The following ADNP2 variants were observed in gnomAD, a reference collection of about 807,000 sequenced individuals.
ADNP2 encodes the protein ADNP homeobox 2.
ADNP2 carries 8 observed loss-of-function variants against 16.4 expected under a neutral mutation model. That is an observed-to-expected ratio of 0.49 (90% CI 0.29 to 0.88). The LOEUF (loss-of-function observed/expected upper bound fraction) is 0.88. Ranked by LOEUF, ADNP2 falls within the 40% of genes least tolerant of loss-of-function variation. ADNP2 has a pLI of 0.09. For synonymous variants in ADNP2, 637 were observed against 545.8 expected, an observed-to-expected ratio of 1.17 and a Z score of -2.33; for missense variants, 1,397 against 1,395.1, an observed-to-expected ratio of 1.00 and a Z score of -0.02.
At chr18:80,128,800 AATC>A (rs1429291271) in intron 2 of ADNP2, among the ~76,000 whole-genome samples, 1 of 152,122 alleles carries the variant, frequency 6.6e-6, no homozygotes, top group Admixed American at 6.6e-5. Context: ...TTTTTAAAGT[AATC>A]ATTGTTATAA....
At chr18:80,113,695 A>G (rs953121756) in intron 1 of ADNP2, among the ~76,000 whole-genome samples, 10 of 152,168 alleles carry the variant, frequency 6.6e-5, no homozygotes, top group African/African-American at 2.4e-4. Flanking sequence ...CAAATATAAC[A>G]TGATTTCTGC....
At position 80,137,402 on chromosome 18, in the gene ADNP2, A is replaced by G. The variant is rs753214902; in HGVS notation, c.1989A>G (p.Pro663=). The stretch of plus-strand genomic sequence containing the variant: ...CCATGCCCGGCATGCCCTCTCCTCC[A>G]GTGCTGGTGAATGCTGCTCAGAGCG... ...AGSMPGMPSP[P]VLVNAAQSVF... The change falls in exon 4 of 4, where the codon CCA becomes CCG. Residue 663 remains proline, a synonymous_variant. Coordinates refer to ENST00000262198, the MANE Select transcript of ADNP2 (RefSeq NM_014913.4). This position sits in a 1 kb window ranked among gnomAD's most constrained non-coding sequence, Gnocchi z 4.2. 1.4e-5 allele frequency: 22 copies of G among 1,614,046 alleles called. No homozygotes were observed. Among genetic ancestry groups the G allele is most frequent in the East Asian group, 1.3e-4 (6 of 44,894 alleles).
At chr18:80,123,989 C>T (rs1019230343) in intron 2 of ADNP2, among the ~76,000 whole-genome samples, 1 of 152,192 alleles carries the variant, frequency 6.6e-6, no homozygotes, top group African/African-American at 2.4e-5. Flanking sequence ...CTCGGTGTCC[C>T]AAAGAGCTGG....
intron 2 of ADNP2, among the ~76,000 whole-genome samples, chr18:80,117,995 T>C (rs1343831462): frequency 6.6e-6 from 1 of 152,206 alleles, no homozygotes. Context: ...AATGAAATGA[T>C]AGGGTTTTTT....
At chr18:80,124,543 C>T (rs1325897292) in intron 2 of ADNP2, among the ~76,000 whole-genome samples, 1 of 152,180 alleles carries the variant, frequency 6.6e-6, no homozygotes, top group East Asian at 1.9e-4. Context: ...TCCGCGGGTA[C>T]TCAACCCTCC....
At chr18:80,134,322 G>A (rs1282016202) in intron 3 of ADNP2, among the ~76,000 whole-genome samples, 1 of 151,930 alleles carries the variant, frequency 6.6e-6, no homozygotes, top group Non-Finnish European at 1.5e-5. Context: ...TCACGCCACT[G>A]CACTCCAGCC....
intron 1 of ADNP2, among the ~76,000 whole-genome samples, chr18:80,110,327 A>G (rs541889403): frequency 6.6e-6 from 1 of 152,300 alleles, no homozygotes; most frequent in African/African-American, 2.4e-5. Context: ...GTTTATTTGA[A>G]CAGAAGACTT....
Position 80,137,775 on chromosome 18 carries a change from C to T in ADNP2, c.2362C>T (p.His788Tyr), listed in dbSNP as rs758367097. The T allele has an allele frequency of 1.2e-6, 2 of 1,614,166 alleles. No individual in the cohort carries two copies. Among genetic ancestry groups the T allele is most frequent in the South Asian group, 2.2e-5 (2 of 91,086 alleles). ...CCATGATATCAAAGGTCTTTCAGAG[C>T]ACAGCAGGAATAGGCACCTGGGGAA... is the stretch of plus-strand genomic sequence containing the variant. ...TFHDIKGLSE[H>Y]SRNRHLGKKK... Residue 788 changes from histidine to tyrosine, a missense_variant, in exon 4 of 4, where the codon CAC becomes TAC. By Grantham distance (83) the His-to-Tyr change is moderately conservative (BLOSUM62 2). Transcript: ENST00000262198. This position sits in a 1 kb window ranked among gnomAD's most constrained non-coding sequence, Gnocchi z 4.2.
At chr18:80,117,767 G>C in intron 2 of ADNP2, 117 bp downstream of exon 2, 1 of 716,272 alleles carries the variant, frequency 1.4e-6, no homozygotes, top group Non-Finnish European at 2.3e-6. Context: ...ATGGCTGTGT[G>C]AAAGCCTCAT....
rs1047399845 is a variant in ADNP2 at position 80,139,004 on chromosome 18, G to C, written c.*195G>C. The C allele has an allele frequency of 5.3e-5, 24 of 452,268 alleles. No homozygotes were observed. Among genetic ancestry groups the C allele is most frequent in the Middle Eastern group, 6.0e-4 (1 of 1,680 alleles). The allele number at this position is 452,268 out of a possible 1,614,324, so 28.0% of individuals were successfully genotyped here. ...AGTTATTTCACATCTATTGTTTCCT[G>C]CAGTTTGATTTGTAACAGAACAGTT... On this transcript the variant is annotated 3_prime_UTR_variant, in exon 4 of 4. Transcript: ENST00000262198.
At chr18:80,112,790 G>C (rs1045968874) in intron 1 of ADNP2, among the ~76,000 whole-genome samples, 2 of 152,130 alleles carry the variant, frequency 1.3e-5, no homozygotes, top group African/African-American at 4.8e-5. Flanking sequence ...TTGTATCCCA[G>C]GCTTCTCAAA....
In ADNP2 at chr18:80,136,508, G is replaced by A; in HGVS notation, c.1095G>A (p.Gln365=). ...VFLSHGVPLH[Q]SVNPPVLPLS... ...TTTCTCACGGGGTTCCACTTCATCA[G>A]TCTGTGAATCCTCCTGTGTTGCCCT... The change falls in exon 4 of 4, where the codon CAG becomes CAA. Residue 365 remains glutamine (Q), a synonymous_variant. Transcript: ENST00000262198. The A allele has an allele frequency of 6.2e-7, 1 of 1,614,206 alleles. No homozygotes were observed. Among genetic ancestry groups the A allele is most frequent in the Non-Finnish European group, 8.5e-7 (1 of 1,180,034 alleles).
chr18:80,118,528 A>T (rs28547574), intron 2 of ADNP2, among the ~76,000 whole-genome samples: 1,961 of 152,214 alleles, frequency 0.013, 35 homozygotes, highest in African/African-American at 0.044. Context: ...CTTCATTAAT[A>T]AATGTAGTCT....
At chr18:80,129,849 T>C (rs977394619) in intron 2 of ADNP2, among the ~76,000 whole-genome samples, 3 of 152,224 alleles carry the variant, frequency 2.0e-5, no homozygotes, top group African/African-American at 7.2e-5. Flanking sequence ...GGGGGCTTGC[T>C]GTGAATGAGG....
Position 80,137,704 on chromosome 18 carries a change from A to G in ADNP2, c.2291A>G (p.His764Arg). The part of the protein sequence containing the change: ...CLVSEEELIH[H>R]LLMHGLGCLF... The stretch of plus-strand genomic sequence containing the variant: ...GTCTCTGAGGAAGAGCTTATACACC[A>G]CTTGCTGATGCATGGCTTGGGGTGC... The change falls in exon 4 of 4, where the codon CAC (histidine) becomes CGC (arginine). Residue 764 changes from histidine to arginine, a missense_variant. Coordinates refer to ENST00000262198, the MANE Select transcript of ADNP2 (RefSeq NM_014913.4). The surrounding 1 kb of genome is among the most constrained non-coding windows in gnomAD (Gnocchi z 4.2). 1 of 1,614,100 alleles carries G rather than the reference A, an allele frequency of 6.2e-7. No homozygotes were observed. The highest frequency in any genetic ancestry group is 8.5e-7 in the Non-Finnish European group (1 of 1,180,022).
chr18:80,112,027 T>C (rs944768294), intron 1 of ADNP2, among the ~76,000 whole-genome samples: 1 of 152,160 alleles, frequency 6.6e-6, no homozygotes, highest in Admixed American at 6.5e-5. Flanking sequence ...TTGAGATTTA[T>C]TTTGAATTGA....
In ADNP2 at chr18:80,139,167, C is replaced by T. The variant is rs891889666; in HGVS notation, c.*358C>T. On this transcript the variant is annotated 3_prime_UTR_variant, in exon 4 of 4. Coordinates refer to ENST00000262198, the MANE Select transcript of ADNP2 (RefSeq NM_014913.4). ...ATTTGCTTTTTCATTAAGGACATTT[C>T]AGCCTTTTTCAGAATACTTGATTTA... 63 of 171,186 alleles carry T rather than the reference C, an allele frequency of 3.7e-4. No homozygotes were observed. Among genetic ancestry groups the T allele is most frequent in the African/African-American group, 1.4e-3 (58 of 42,244 alleles). 10.6% of individuals were successfully genotyped at this position (171,186 alleles called of 1,614,324 possible). A position where few individuals can be genotyped will look rare whatever the true frequency, so the allele number is the denominator to read the frequency against.
intron 2 of ADNP2, among the ~76,000 whole-genome samples, chr18:80,127,623 A>T (rs1350783731): frequency 1.3e-5 from 2 of 150,794 alleles, no homozygotes; most frequent in African/African-American, 2.4e-5. Flanking sequence ...TTGTTTTTTG[A>T]CTGGCAGTTT....
At chr18:80,129,190 G>T (rs1357063347) in intron 2 of ADNP2, among the ~76,000 whole-genome samples, 1 of 136,272 alleles carries the variant, frequency 7.3e-6, no homozygotes, top group African/African-American at 2.8e-5. Context: ...TGCAAGCTCT[G>T]CCTCCCTGGT....
Sources: gnomAD v4.1 joint callset for allele counts (sites outside exome capture counted in the v4.1 genomes callset) on GRCh38, gnomAD v4.1.1 for gene constraint, Gnocchi (gnomAD v3.1) non-coding constraint, MANE v1.5 for transcripts, NCBI Gene and HGNC (gene_info 2026-07-23, HGNC 2026-07-21) for gene names.